The following LRRC41 variants were observed in gnomAD, a reference collection of about 807,000 sequenced individuals.
LRRC41 encodes leucine rich repeat containing 41.
A neutral mutation model predicts 72.1 loss-of-function variants in LRRC41; 17 were observed. That is an observed-to-expected ratio of 0.24 (90% CI 0.16 to 0.35). The LOEUF (loss-of-function observed/expected upper bound fraction) is 0.35, where lower values mean the gene tolerates loss of function less well. Among genes scored for constraint, LRRC41 ranks in the 10% least tolerant of loss-of-function variants. LRRC41 has a pLI of 1.00. For synonymous variants in LRRC41, 427 were observed against 431.0 expected (o/e 0.99, Z 0.11); for missense variants, 759 against 1,065.0 (o/e 0.71, Z 4.00).
rs1228958988 is a variant in LRRC41 at position 46,277,620 on chromosome 1, A to G, written c.*1245T>C. The G allele has an allele frequency of 3.0e-6, 2 of 655,918 alleles. No homozygotes were observed. The highest frequency in any genetic ancestry group is 5.1e-5 in the Admixed American group (2 of 39,020). The allele number at this position is 655,918 out of a possible 1,614,324, so 40.6% of individuals were successfully genotyped here. ...AGAAAGTAGCCTGGGTGGGCAGACT[A>G]TTCATGTCATGTTCTCAGGAGACAG... On this transcript the variant is annotated 3_prime_UTR_variant, in exon 10 of 10. Coordinates refer to ENST00000617190, the MANE Select transcript of LRRC41 (RefSeq NM_006369.5).
intron 3 of LRRC41, among the ~76,000 whole-genome samples, chr1:46,289,703 G>A (rs1660965394): frequency 6.6e-6 from 1 of 152,170 alleles, no homozygotes; most frequent in Non-Finnish European, 1.5e-5. Context: ...GGAGCTTGCA[G>A]TGAGCTGAGA....
rs71062750 is a variant in LRRC41 at position 46,290,916 on chromosome 1, GTTTTTTTT to G, written c.358-4425_358-4418del. 5.0e-3 allele frequency among the ~76,000 whole-genome samples: 330 copies of G among 65,722 alleles called. 4 individuals carry two copies. The highest frequency in any genetic ancestry group is 0.018 in the African/African-American group (313 of 17,808). 43.1% of individuals were successfully genotyped at this position (65,722 alleles called of 152,430 possible). On this transcript the variant is annotated intron_variant, in intron 3 of 9. Coordinates refer to ENST00000617190, the MANE Select transcript of LRRC41 (RefSeq NM_006369.5). The stretch of plus-strand genomic sequence containing the variant: ...AGCCACCATGCCCGGCCTGTTTCTA[GTTTTTTTT>G]TTTTTTTTTTTTTTTTTTTTAAGAC...
Position 46,280,248 on chromosome 1 carries a change from T to C in LRRC41, c.1964A>G (p.Asn655Ser). The change falls in exon 7 of 10, where the codon AAT becomes AGT. Residue 655 changes from asparagine to serine, a missense_variant. This residue lies in a region of LRRC41 where 110 missense variants were observed against 227.0 expected (regional missense o/e 0.48). Transcript: ENST00000617190. ...CACCTCGCTCTGACAGTCAGCGAGA[T>C]TCATGTCATGGAAGCTCAGTCTTTT... ...ALKRLSFHDM[N>S]LADCQSEVLF... 1 of 1,614,150 alleles carries C rather than the reference T, an allele frequency of 6.2e-7. No homozygotes were observed. Among genetic ancestry groups the C allele is most frequent in the Non-Finnish European group, 8.5e-7 (1 of 1,180,004 alleles).
At chr1:46,283,022 CAAA>C (rs59632701) in intron 4 of LRRC41, among the ~76,000 whole-genome samples, 11 of 53,810 alleles carry the variant, frequency 2.0e-4, no homozygotes, top group Admixed American at 2.0e-4. Context: ...GACTCCCTGT[CAAA>C]AAAAAAAAAA....
In LRRC41 at chr1:46,303,467, T is replaced by C; in HGVS notation, c.-145A>G. Reference sequence around the variant, plus strand: ...CGAAGAAATTAGCACACTTTCCAAGTCTCTTAGGAGCTACTATTTTAGATA... The same window carrying C: ...CGAAGAAATTAGCACACTTTCCAAGCCTCTTAGGAGCTACTATTTTAGATA... On this transcript the variant is annotated 5_prime_UTR_variant, in exon 1 of 10. Transcript: ENST00000617190. 1 of 829,020 alleles carries C rather than the reference T, an allele frequency of 1.2e-6. No homozygotes were observed. 51.4% of individuals were successfully genotyped at this position (829,020 alleles called of 1,614,324 possible). A position where few individuals can be genotyped will look rare whatever the true frequency, so the allele number is the denominator to read the frequency against.
intron 2 of LRRC41, 32 bp from the exon 3 acceptor site, chr1:46,297,665 A>G: frequency 6.6e-7 from 1 of 1,511,650 alleles, no homozygotes; most frequent in Non-Finnish European, 9.2e-7. Flanking sequence ...TTGGCTGCTT[A>G]CTGGCCACCA....
chr1:46,292,143 G>A (rs1007217548), intron 3 of LRRC41, among the ~76,000 whole-genome samples: 1 of 151,560 alleles, frequency 6.6e-6, no homozygotes, highest in Admixed American at 6.6e-5. Context: ...GTGAAACCTT[G>A]TCTCTACTAA....
At chr1:46,283,899 C>T (rs1660831193) in intron 4 of LRRC41, among the ~76,000 whole-genome samples, 1 of 152,002 alleles carries the variant, frequency 6.6e-6, no homozygotes, top group Admixed American at 6.5e-5. Context: ...CTCCTGACCT[C>T]GTGATCCACC....
At chr1:46,299,989 G>A (rs1173944796) in intron 1 of LRRC41, 4 of 152,146 alleles carry the variant, frequency 2.6e-5, no homozygotes, top group African/African-American at 9.7e-5. Context: ...GCCATAATAA[G>A]CTCGCTAAAT....
In LRRC41 at chr1:46,286,465, G is replaced by C. The variant is rs1179038030; in HGVS notation, c.392C>G (p.Ala131Gly). ...CCCACGTAGAACATGGGAAAAAAAG[G>C]CCTCCATAAACTTGGCTCGCCAACA... ...VTCWRAKFME[A>G]FFSHVLRGTI... The change falls in exon 4 of 10, where the codon GCC becomes GGC. Residue 131 changes from alanine to glycine, a missense_variant. Transcript: ENST00000617190. The surrounding 1 kb of genome is among the most constrained non-coding windows in gnomAD (Gnocchi z 5.5). 1 of 1,605,140 alleles carries C rather than the reference G, an allele frequency of 6.2e-7. No homozygotes were observed.
intron 3 of LRRC41, among the ~76,000 whole-genome samples, chr1:46,295,232 T>C (rs1661099457): frequency 6.6e-6 from 1 of 152,082 alleles, no homozygotes; most frequent in African/African-American, 2.4e-5. Context: ...GCCAGTTCTT[T>C]GTATTTTTAG....
Position 46,285,048 on chromosome 1 carries a change from C to T in LRRC41, c.1495+314G>A. ...AGGTCAAACTCTAGCCCTGCCTGAG[C>T]ATGCATATACTATACTGCTCCCACC... On this transcript the variant is annotated intron_variant, in intron 4 of 9. Coordinates refer to ENST00000617190, the MANE Select transcript of LRRC41 (RefSeq NM_006369.5). This position sits in a 1 kb window ranked among gnomAD's most constrained non-coding sequence, Gnocchi z 5.3. 1 of 338,174 alleles carries T rather than the reference C, an allele frequency of 3.0e-6. No homozygotes were observed. Among genetic ancestry groups the T allele is most frequent in the South Asian group, 4.1e-5 (1 of 24,100 alleles). The allele number at this position is 338,174 out of a possible 1,614,324, so 20.9% of individuals were successfully genotyped here.
chr1:46,303,334 G>C lies in LRRC41; in HGVS notation c.-12C>G. ...TCGGGCGCCGCCATCTTGGGGAGGT[G>C]CGCGAGCCCGAGAGTGTCGCCCGCG... On this transcript the variant is annotated 5_prime_UTR_variant, in exon 1 of 10. Coordinates refer to ENST00000617190, the MANE Select transcript of LRRC41 (RefSeq NM_006369.5). 2 of 1,504,892 alleles carry C rather than the reference G, an allele frequency of 1.3e-6. No homozygotes were observed. Among genetic ancestry groups the C allele is most frequent in the Non-Finnish European group, 8.8e-7 (1 of 1,130,564 alleles). 93.2% of individuals were successfully genotyped at this position (1,504,892 alleles called of 1,614,324 possible).
Position 46,278,780 on chromosome 1 carries a change from CT to C in LRRC41, c.*84del. On this transcript the variant is annotated 3_prime_UTR_variant, in exon 10 of 10. Transcript: ENST00000617190. The stretch of plus-strand genomic sequence containing the variant: ...AGGTGACAGAAAGAGAAAGATAGAA[CT>C]GGTGGTTGGGGTTCTGGGCAGCCCA... 1 of 1,268,064 alleles carries C rather than the reference CT, an allele frequency of 7.9e-7. No individual in the cohort carries two copies. Among genetic ancestry groups the C allele is most frequent in the Non-Finnish European group, 1.1e-6 (1 of 888,334 alleles). 78.6% of individuals were successfully genotyped at this position (1,268,064 alleles called of 1,614,324 possible).
In LRRC41 at chr1:46,285,887, G is replaced by A. The variant is rs145805978; in HGVS notation, c.970C>T (p.Arg324Cys). ...PRAAPATRVT[R>C]RSTQESLTAG... is the part of the protein sequence containing the mutation. ...GTCAGGCTCTCCTGTGTGCTCCGGC[G>A]TGTTACCCGAGTGGCAGGTGCAGCT... Residue 324 changes from arginine to cysteine, a missense_variant, in exon 4 of 10, where the codon CGC (arginine) becomes TGC (cysteine). Physicochemically the swap from Arg to Cys is radical, Grantham distance 180. Coordinates refer to ENST00000617190, the MANE Select transcript of LRRC41 (RefSeq NM_006369.5). The surrounding 1 kb of genome is among the most constrained non-coding windows in gnomAD (Gnocchi z 5.3). 9 of 1,557,368 alleles carry A rather than the reference G, an allele frequency of 5.8e-6. No individual in the cohort carries two copies. The highest frequency in any genetic ancestry group is 2.4e-5 in the South Asian group (2 of 82,274).
chr1:46,279,006 G>T lies in LRRC41; in HGVS notation c.2298C>A (p.His766Gln). Residue 766 changes from histidine (H) to glutamine (Q), a missense_variant, in exon 10 of 10, where the codon CAC becomes CAA. By Grantham distance (24) the His-to-Gln change is conservative (BLOSUM62 0). Coordinates refer to ENST00000617190, the MANE Select transcript of LRRC41 (RefSeq NM_006369.5). This position sits in a 1 kb window ranked among gnomAD's most constrained non-coding sequence, Gnocchi z 4.5. ...CCAGCCAGTTTTGGAAGAGGCGCAG[G>T]TGACCAAAGGCTCCACGGCCCCAGC... ...LERWGRGAFGHLRLFQNWLDQ... is the reference protein window; with the variant it reads ...LERWGRGAFGQLRLFQNWLDQ... 1 of 1,613,988 alleles carries T rather than the reference G, an allele frequency of 6.2e-7. No homozygotes were observed. Among genetic ancestry groups the T allele is most frequent in the South Asian group, 1.1e-5 (1 of 91,050 alleles).
chr1:46,284,802 C>T (rs1225364217), intron 4 of LRRC41, among the ~76,000 whole-genome samples: 1 of 152,116 alleles, frequency 6.6e-6, no homozygotes, highest in Non-Finnish European at 1.5e-5. Context: ...GGTTAGTGAT[C>T]ATATAGTAAC....
chr1:46,294,400 G>A (rs919939774), intron 3 of LRRC41, among the ~76,000 whole-genome samples: 1 of 151,874 alleles, frequency 6.6e-6, no homozygotes, highest in Non-Finnish European at 1.5e-5. Context: ...GAGCTACCGC[G>A]CCCAGCCCTT....
chr1:46,294,584 AACTAATT>A (rs1399981126), intron 3 of LRRC41, among the ~76,000 whole-genome samples: 69 of 145,478 alleles, frequency 4.7e-4, no homozygotes, highest in Admixed American at 1.2e-3. Flanking sequence ...TACTTTTTAC[AACTAATT>A]CTTTTTTTTT....
Sources: gnomAD v4.1 joint callset for allele counts (sites outside exome capture counted in the v4.1 genomes callset) on GRCh38, gnomAD v4.1.1 for gene constraint, gnomAD v4.1.1 regional missense constraint, Gnocchi (gnomAD v3.1) non-coding constraint, MANE v1.5 for transcripts, NCBI Gene and HGNC (gene_info 2026-07-23, HGNC 2026-07-21) for gene names.